The following SMARCAL1 variants were observed in gnomAD, a reference collection of about 807,000 sequenced individuals.
SMARCAL1 encodes the protein SNF2 related chromatin remodeling annealing helicase 1.
A neutral mutation model predicts 94.5 loss-of-function variants in SMARCAL1; 58 were observed. That is an observed-to-expected ratio of 0.61 (90% CI 0.50 to 0.76). The LOEUF (loss-of-function observed/expected upper bound fraction) is 0.76, where lower values mean the gene tolerates loss of function less well. Ranked by LOEUF, SMARCAL1 falls within the 30% of genes least tolerant of loss-of-function variation. SMARCAL1 has a pLI of 0.00. For synonymous variants in SMARCAL1, 422 were observed against 455.1 expected, an observed-to-expected ratio of 0.93 and a Z score of 0.93; for missense variants, 1,051 against 1,177.9, an observed-to-expected ratio of 0.89 and a Z score of 1.58.
chr2:216,442,507 G>T (rs187696122), intron 10 of SMARCAL1, among the ~76,000 whole-genome samples: 30 of 151,962 alleles, frequency 2.0e-4, no homozygotes, highest in Admixed American at 1.5e-3. Context: ...CTAGTCCCCA[G>T]TCTCTTTCCT....
Position 216,415,140 on chromosome 2 carries a change from G to T in SMARCAL1, c.436G>T (p.Gly146Cys). 3.1e-6 allele frequency: 5 copies of T among 1,612,798 alleles called. No individual in the cohort carries two copies. Among genetic ancestry groups the T allele is most frequent in the Non-Finnish European group, 4.2e-6 (5 of 1,179,118 alleles). Residue 146 changes from glycine to cysteine, a missense_variant, in exon 3 of 18, where the codon GGT (glycine) becomes TGT (cysteine). Coordinates refer to ENST00000357276, the MANE Select transcript of SMARCAL1 (RefSeq NM_014140.4). The part of the protein sequence containing the change: ...QQLLSYELGQ[G>C]HAQASPEIRF... ...GCTCTTGAGTTATGAGTTAGGTCAA[G>T]GTCATGCTCAGGCTTCACCTGAGAT... is the stretch of plus-strand genomic sequence containing the variant.
Position 216,475,357 on chromosome 2 carries a change from CTGTGGCCG to C in SMARCAL1, c.2336_2343del (p.Val779AlafsTer16). Reference sequence around the variant, plus strand: ...CAGTTCCAACTGTCGGAGAGGCATGCTGTGGCCGTGCTGTCCATCACCGCTGCCAATAT... The same window carrying C: ...CAGTTCCAACTGTCGGAGAGGCATGCTGCTGTCCATCACCGCTGCCAATAT... On this transcript the variant is annotated frameshift_variant, in exon 15 of 18. Transcript: ENST00000357276. LOFTEE classifies it high-confidence loss of function. The surrounding 1 kb of genome is among the most constrained non-coding windows in gnomAD (Gnocchi z 4.4). 6.2e-7 allele frequency: 1 copy of C among 1,614,232 alleles called. No homozygotes were observed. The highest frequency in any genetic ancestry group is 1.1e-5 in the South Asian group (1 of 91,082).
intron 6 of SMARCAL1, among the ~76,000 whole-genome samples, chr2:216,428,373 A>C (rs1693885308): frequency 6.6e-6 from 1 of 152,196 alleles, no homozygotes; most frequent in Non-Finnish European, 1.5e-5. Context: ...TTCAAAAAGC[A>C]AGGTCAGTGC....
Position 216,415,325 on chromosome 2 carries a change from C to A in SMARCAL1, c.621C>A (p.Ile207=). 1.2e-6 allele frequency: 2 copies of A among 1,614,230 alleles called. No individual in the cohort carries two copies. Among genetic ancestry groups the A allele is most frequent in the Non-Finnish European group, 1.7e-6 (2 of 1,180,038 alleles). The change falls in exon 3 of 18, where the codon ATC becomes ATA. Residue 207 remains isoleucine, a synonymous_variant. Coordinates refer to ENST00000357276, the MANE Select transcript of SMARCAL1 (RefSeq NM_014140.4). The part of the protein sequence containing the change: ...ASPSGQNISY[I]HSSSESVTPR... ...CTTCGGGGCAGAACATTTCTTACAT[C>A]CATTCTAGCTCAGAGAGTGTAACGC...
At chr2:216,470,286 G>A (rs909001624) in intron 14 of SMARCAL1, among the ~76,000 whole-genome samples, 6 of 151,978 alleles carry the variant, frequency 3.9e-5, no homozygotes, top group African/African-American at 1.5e-4. Context: ...GAATAGCTGG[G>A]ATTACTGGTG....
intron 5 of SMARCAL1, among the ~76,000 whole-genome samples, chr2:216,422,719 C>T (rs2106022960): frequency 6.6e-6 from 1 of 152,350 alleles, no homozygotes; most frequent in Non-Finnish European, 1.5e-5. Flanking sequence ...TTTCTGACCA[C>T]CTTGCTTTTG....
intron 10 of SMARCAL1, among the ~76,000 whole-genome samples, chr2:216,441,383 TATATAA>T (rs1694193427): frequency 6.6e-6 from 1 of 152,226 alleles, no homozygotes; most frequent in African/African-American, 2.4e-5. Flanking sequence ...TCTATTTTTA[TATATAA>T]ATATATGAAA....
intron 10 of SMARCAL1, among the ~76,000 whole-genome samples, chr2:216,445,795 C>T (rs566718002): frequency 4.3e-4 from 65 of 152,154 alleles, no homozygotes; most frequent in East Asian, 1.7e-3. Context: ...TAGATATTGG[C>T]GATTGCTGTG....
intron 8 of SMARCAL1, among the ~76,000 whole-genome samples, chr2:216,435,041 A>G (rs1694050496): frequency 6.6e-6 from 1 of 151,862 alleles, no homozygotes; most frequent in Non-Finnish European, 1.5e-5. Context: ...TATTTTTAGT[A>G]GAGATGGGAT....
Position 216,412,573 on chromosome 2 carries a change from C to G in SMARCAL1, c.-171C>G, listed in dbSNP as rs2106011881. The G allele has an allele frequency of 6.6e-6, 1 of 152,540 alleles. No individual in the cohort carries two copies. The highest frequency in any genetic ancestry group is 1.9e-4 in the East Asian group (1 of 5,180). 9.4% of individuals were successfully genotyped at this position (152,540 alleles called of 1,614,324 possible). On this transcript the variant is annotated 5_prime_UTR_variant, in exon 1 of 18. Transcript: ENST00000357276. ...TAACCGTCCACTCGGAAGACCGGTC[C>G]CGCTCGGGAGGCTCTGCAGTCGCGC... is the stretch of plus-strand genomic sequence containing the variant.
intron 15 of SMARCAL1, among the ~76,000 whole-genome samples, chr2:216,476,377 G>A (rs1212248415): frequency 6.6e-6 from 1 of 151,968 alleles, no homozygotes; most frequent in Non-Finnish European, 1.5e-5. Context: ...GGACTGCAGG[G>A]ACTTACTGGC....
At chr2:216,426,214 T>G (rs1294731155) in intron 6 of SMARCAL1, among the ~76,000 whole-genome samples, 1 of 152,242 alleles carries the variant, frequency 6.6e-6, no homozygotes. Context: ...CCTTCTCGCT[T>G]TTGTCTTTCA....
Position 216,482,641 on chromosome 2 carries a change from T to A in SMARCAL1, c.2626-97T>A. ...CCCTGACACCATGAAATGTGTGGTCTCTCATCTTTATATTCTCTCATCAGC... is the reference window on the plus strand; with the variant it reads ...CCCTGACACCATGAAATGTGTGGTCACTCATCTTTATATTCTCTCATCAGC... On this transcript the variant is annotated intron_variant, in intron 17 of 17. Coordinates refer to ENST00000357276, the MANE Select transcript of SMARCAL1 (RefSeq NM_014140.4). The surrounding 1 kb of genome is among the most constrained non-coding windows in gnomAD (Gnocchi z 4.3). The A allele has an allele frequency of 2.6e-6, 4 of 1,547,264 alleles. No homozygotes were observed. The South Asian group carries it at 3.4e-5, about 13-fold the overall frequency.
rs931969042 is a variant in SMARCAL1 at position 216,420,399 on chromosome 2, C to A, written c.963C>A (p.Gly321=). The change falls in exon 5 of 18, where the codon GGC becomes GGA. Residue 321 remains glycine (G), a synonymous_variant. Transcript: ENST00000357276. ...SPSTSSEGQA[G]LPSAPSLSFV... ...CCACCAGCAGTGAGGGACAGGCCGG[C>A]CTTCCATCAGCTCCATCCCTTTCAT... 1 of 1,614,088 alleles carries A rather than the reference C, an allele frequency of 6.2e-7. No individual in the cohort carries two copies. The highest frequency in any genetic ancestry group is 1.3e-5 in the African/African-American group (1 of 74,934).
intron 11 of SMARCAL1, among the ~76,000 whole-genome samples, chr2:216,450,182 T>C (rs1694415876): frequency 6.6e-6 from 1 of 152,156 alleles, no homozygotes; most frequent in African/African-American, 2.4e-5. Context: ...TGATGGGGAA[T>C]GAACATTTGA....
rs753524784 is a variant in SMARCAL1, at chr2:216,435,458, G to A, written c.1606G>A (p.Glu536Lys). 2 of 1,614,152 alleles carry A rather than the reference G, an allele frequency of 1.2e-6. No homozygotes were observed. Among genetic ancestry groups the A allele is most frequent in the Non-Finnish European group, 8.5e-7 (1 of 1,180,010 alleles). Residue 536 changes from glutamate to lysine, a missense_variant, in exon 9 of 18, where the codon GAA becomes AAA. Physicochemically the swap from Glu to Lys is moderately conservative, Grantham distance 56 (BLOSUM62 1). This residue lies in a region of SMARCAL1 where 642 missense variants were observed against 754.7 expected (regional missense o/e 0.85). Coordinates refer to ENST00000357276, the MANE Select transcript of SMARCAL1 (RefSeq NM_014140.4). ...CAGCTTTGACCTTCTTAGCAAGTTG[G>A]AAAAACAGCTAAAAACCCCTTTTAA... ...IVSFDLLSKL[E>K]KQLKTPFKVV...
chr2:216,474,336 C>T (rs1433839576), intron 14 of SMARCAL1, among the ~76,000 whole-genome samples: 33 of 147,688 alleles, frequency 2.2e-4, no homozygotes, highest in African/African-American at 5.7e-4. Flanking sequence ...GGCGGGGTTC[C>T]GCCATGTTGG....
intron 10 of SMARCAL1, among the ~76,000 whole-genome samples, chr2:216,440,961 G>A (rs1694186656): frequency 6.6e-6 from 1 of 152,030 alleles, no homozygotes; most frequent in Admixed American, 6.6e-5. Flanking sequence ...CCAACCCCAT[G>A]GAGAACCACC....
chr2:216,437,684 T>C (rs924315170), intron 9 of SMARCAL1, among the ~76,000 whole-genome samples: 5 of 152,178 alleles, frequency 3.3e-5, no homozygotes, highest in Non-Finnish European at 7.3e-5. Context: ...AAATTTCCAC[T>C]TAAATACTCA....
Sources: allele counts gnomAD v4.1 joint callset (sites outside exome capture counted in the v4.1 genomes callset), GRCh38; gene constraint gnomAD v4.1.1; regional missense constraint gnomAD v4.1.1; non-coding constraint Gnocchi (gnomAD v3.1); transcripts MANE v1.5; gene names NCBI Gene and HGNC (gene_info 2026-07-23, HGNC 2026-07-21).